USHBP1: variants seen among roughly 807,000 people sequenced by gnomAD.
The protein encoded by USHBP1 is USH1 protein network component harmonin binding protein 1.
USHBP1 carries 67 observed loss-of-function variants against 76.2 expected under a neutral mutation model. The ratio of observed to expected loss-of-function variants is 0.88; its 90% confidence interval spans 0.72 to 1.08. The LOEUF is 1.08. USHBP1 is among the 50% of genes least tolerant of loss of function. USHBP1 has a pLI of 0.00. For missense variants in USHBP1, 931 were observed against 915.0 expected, an observed-to-expected ratio of 1.02 and a Z score of -0.23; for synonymous variants, 322 against 362.2, an observed-to-expected ratio of 0.89 and a Z score of 1.26.
chr19:17,260,418 C>A (rs553616233), intron 4 of USHBP1, among the ~76,000 whole-genome samples: 75 of 152,274 alleles, frequency 4.9e-4, no homozygotes, highest in African/African-American at 1.8e-3. Flanking sequence ...CAACCTCTGC[C>A]TCCCGGATTC....
chr19:17,251,561 G>A, intron 12 of USHBP1, 21 bp downstream of exon 12: 1 of 1,613,038 alleles, frequency 6.2e-7, no homozygotes, highest in Non-Finnish European at 8.5e-7. Context: ...GGGGGATTGG[G>A]GGGATGCAGA....
At position 17,250,236 on chromosome 19, in the gene USHBP1, T is replaced by C. The variant is rs781557528; in HGVS notation, c.2101A>G (p.Thr701Ala). The change falls in exon 13 of 13, where the codon ACC (threonine) becomes GCC (alanine). Residue 701 changes from threonine (T) to alanine (A), a missense_variant. Transcript: ENST00000252597. The part of the protein sequence containing the change: ...PPLPPPQLGD[T>A]FL Reference sequence around the variant, plus strand: ...GCTGGGTAAGGGGCCTACAGAAAGGTGTCCCCAAGCTGGGGAGGCGGGAGG... The same window carrying C: ...GCTGGGTAAGGGGCCTACAGAAAGGCGTCCCCAAGCTGGGGAGGCGGGAGG... The C allele has an allele frequency of 6.2e-7, 1 of 1,606,050 alleles. No individual in the cohort carries two copies. Among genetic ancestry groups the C allele is most frequent in the South Asian group, 1.1e-5 (1 of 90,260 alleles).
intron 9 of USHBP1, among the ~76,000 whole-genome samples, chr19:17,256,047 A>G (rs2073615235): frequency 6.6e-6 from 1 of 151,850 alleles, no homozygotes; most frequent in Non-Finnish European, 1.5e-5. Context: ...TTCACCATTC[A>G]CCATGTTCTT....
chr19:17,250,291 A>C lies in USHBP1; in HGVS notation c.2046T>G (p.Thr682=). 1 of 1,613,540 alleles carries C rather than the reference A, an allele frequency of 6.2e-7. No homozygotes were observed. The highest frequency in any genetic ancestry group is 8.5e-7 in the Non-Finnish European group (1 of 1,179,942). The part of the protein sequence containing the change: ...QAEEVAVLEA[T]ARALGKPRPP... Reference sequence around the variant, plus strand: ...GCCTGGGCTTCCCCAGGGCCCTTGCAGTGGCTTCGAGCACCGCCACCTCCT... The same window carrying C: ...GCCTGGGCTTCCCCAGGGCCCTTGCCGTGGCTTCGAGCACCGCCACCTCCT... The change falls in exon 13 of 13, where the codon ACT becomes ACG. Residue 682 remains threonine (T), a synonymous_variant. Coordinates refer to ENST00000252597, the MANE Select transcript of USHBP1 (RefSeq NM_031941.4).
At chr19:17,263,978 G>A in intron 3 of USHBP1, 24 bp downstream of exon 3, 2 of 1,528,298 alleles carry the variant, frequency 1.3e-6, no homozygotes, top group Non-Finnish European at 8.8e-7. Context: ...CTGGAGTGAA[G>A]GGCACAGACC....
chr19:17,264,378 C>T, intron 1 of USHBP1, 31 bp from the exon 2 acceptor site: 1 of 1,476,138 alleles, frequency 6.8e-7, no homozygotes. Context: ...GAGCTCTTGC[C>T]TTTGTTGTCC....
chr19:17,263,772 T>C, intron 3 of USHBP1: 4 of 507,390 alleles, frequency 7.9e-6, no homozygotes, highest in Non-Finnish European at 1.3e-5. Context: ...CTCAGGAAGC[T>C]GAGGCTCCCG....
chr19:17,260,759 T>C (rs12982178), intron 4 of USHBP1, among the ~76,000 whole-genome samples: 25,416 of 152,146 alleles, frequency 0.17, 2,331 homozygotes, highest in Non-Finnish European at 0.2. Flanking sequence ...GGATGTCTCA[T>C]GGACACTTGA....
chr19:17,259,401 G>T lies in USHBP1; in HGVS notation c.934C>A (p.Arg312Ser), dbSNP rs781749530. 3 of 1,614,018 alleles carry T rather than the reference G, an allele frequency of 1.9e-6. No homozygotes were observed. Among genetic ancestry groups the T allele is most frequent in the Admixed American group, 3.3e-5 (2 of 59,968 alleles). Residue 312 changes from arginine (R) to serine (S), a missense_variant, in exon 7 of 13, where the codon CGT becomes AGT. Transcript: ENST00000252597. ...CCCTGTAGCACAGCTGATAGCAGAC[G>T]ATTAAAGCATTTGAGCTTCTCAATG... ...GSIEKLKCFN[R>S]LLSAVLQGYK... is the part of the protein sequence containing the mutation.
chr19:17,262,635 G>A lies in USHBP1; in HGVS notation c.559C>T (p.Leu187=), dbSNP rs780247181. 6 of 1,613,772 alleles carry A rather than the reference G, an allele frequency of 3.7e-6. No homozygotes were observed. In the East Asian group the frequency reaches 1.3e-4, roughly 36 times the overall value. The change falls in exon 4 of 13, where the codon CTG becomes TTG. Residue 187 remains leucine, a synonymous_variant. Coordinates refer to ENST00000252597, the MANE Select transcript of USHBP1 (RefSeq NM_031941.4). ...ACCAGCTCATCCTCTCGGCTACTCA[G>A]GGCCAGCCGGAGCCAGGCATTCCTC... The part of the protein sequence containing the change: ...AERNAWLRLA[L]SSREDELVRT...
rs550326938 is a variant in USHBP1 at position 17,258,720 on chromosome 19, A to G, written c.1047-335T>C. On this transcript the variant is annotated intron_variant, in intron 7 of 12. Coordinates refer to ENST00000252597, the MANE Select transcript of USHBP1 (RefSeq NM_031941.4). ...CAAGACTCTGTCTCAAAAAAAAAAA[A>G]AAAAAGAAAGAAAAAAGAAAAAAAA... 6.6e-4 allele frequency: 221 copies of G among 334,704 alleles called. 1 individual carries two copies. Among genetic ancestry groups the G allele is most frequent in the African/African-American group, 4.2e-3 (187 of 44,664 alleles). 20.7% of individuals were successfully genotyped at this position (334,704 alleles called of 1,614,324 possible). A position where few individuals can be genotyped will look rare whatever the true frequency, so the allele number is the denominator to read the frequency against.
At position 17,250,334 on chromosome 19, in the gene USHBP1, A is replaced by G. The variant is rs553970100; in HGVS notation, c.2003T>C (p.Met668Thr). ...RRKLEQQMAL[M>T]EAQQAEEVAV... The stretch of plus-strand genomic sequence containing the variant: ...CACCTCCTCGGCCTGCTGAGCCTCC[A>G]TGAGTGCCATCTGCTGCTCCAACTT... The change falls in exon 13 of 13, where the codon ATG becomes ACG. Residue 668 changes from methionine (M) to threonine (T), a missense_variant. Physicochemically the swap from Met to Thr is moderately conservative, Grantham distance 81. Transcript: ENST00000252597. The G allele has an allele frequency of 1.4e-4, 224 of 1,613,672 alleles. 1 individual carries two copies. The South Asian group carries it at 2.3e-3, about 17-fold the overall frequency.
intron 10 of USHBP1, among the ~76,000 whole-genome samples, chr19:17,253,093 C>T (rs1369692592): frequency 1.3e-5 from 2 of 150,996 alleles, no homozygotes; most frequent in African/African-American, 4.9e-5. Flanking sequence ...CTCAGCCTCC[C>T]GAGTAGCTGG....
intron 4 of USHBP1, among the ~76,000 whole-genome samples, chr19:17,261,053 T>C (rs1436952733): frequency 6.6e-6 from 1 of 152,152 alleles, no homozygotes; most frequent in Non-Finnish European, 1.5e-5. Flanking sequence ...AGGGCGCCTG[T>C]GAACACCTGC....
chr19:17,250,465 G>A (rs1481261317), intron 12 of USHBP1, 51 bp from the exon 13 acceptor site: 1 of 1,582,832 alleles, frequency 6.3e-7, no homozygotes, highest in Non-Finnish European at 8.5e-7. Flanking sequence ...GTCCACCCAA[G>A]GCAAGGGCCG....
chr19:17,252,128 A>AC (rs2073560686), intron 10 of USHBP1, 111 bp from the exon 11 acceptor site: 1 of 978,418 alleles, frequency 1.0e-6, no homozygotes, highest in Admixed American at 2.1e-5. Flanking sequence ...GCTCTCAGAG[A>AC]CCCACATCTG....
At chr19:17,263,681 C>A (rs2073717801) in intron 3 of USHBP1, 1 of 215,706 alleles carries the variant, frequency 4.6e-6, no homozygotes. Context: ...GAGTTCAAGA[C>A]CAGCCTGGCT....
chr19:17,261,141 C>A (rs1002344665), intron 4 of USHBP1, among the ~76,000 whole-genome samples: 4 of 152,064 alleles, frequency 2.6e-5, no homozygotes, highest in African/African-American at 9.7e-5. Context: ...CGTCTCCTTG[C>A]AGCCCACGAG....
intron 10 of USHBP1, among the ~76,000 whole-genome samples, chr19:17,253,277 G>A (rs757183306): frequency 9.3e-4 from 135 of 145,508 alleles, no homozygotes; most frequent in Middle Eastern, 3.9e-3. Flanking sequence ...CATCGTGCCC[G>A]GACAGTAATA....
Sources: allele counts gnomAD v4.1 joint callset (sites outside exome capture counted in the v4.1 genomes callset), GRCh38; gene constraint gnomAD v4.1.1; transcripts MANE v1.5; gene names NCBI Gene and HGNC (gene_info 2026-07-23, HGNC 2026-07-21).